SNX10: variants seen among roughly 807,000 people sequenced by gnomAD.
The protein encoded by SNX10 is sorting nexin-10.
A neutral mutation model predicts 28.5 loss-of-function variants in SNX10; 25 were observed. The observed-to-expected ratio is 0.88, with a 90% CI of 0.64 to 1.22. SNX10 has a LOEUF of 1.22. SNX10 is among the 50% of genes most tolerant of loss of function. The probability of loss-of-function intolerance (pLI) is 0.00; values close to 1 mark genes in which losing one functional copy is unlikely to be tolerated. For synonymous variants in SNX10, 62 were observed against 81.4 expected (o/e 0.76, Z 1.28); for missense variants, 223 against 242.6 (o/e 0.92, Z 0.54).
chr7:26,365,946 G>C (rs1789272381), intron 5 of SNX10, among the ~76,000 whole-genome samples: 1 of 152,190 alleles, frequency 6.6e-6, no homozygotes, highest in South Asian at 2.1e-4. Context: ...GGGTTGTTGA[G>C]AAGATTAGAC....
At chr7:26,346,318 G>A (rs946133844) in intron 1 of SNX10, 102 bp from the exon 2 acceptor site, 12 of 750,162 alleles carry the variant, frequency 1.6e-5, no homozygotes, top group East Asian at 1.5e-4. Flanking sequence ...ACTGTGGGGC[G>A]GGGGGGGCTC....
chr7:26,302,585 A>G (rs1008481870), intron 1 of SNX10, among the ~76,000 whole-genome samples: 1 of 151,852 alleles, frequency 6.6e-6, no homozygotes, highest in African/African-American at 2.4e-5. Context: ...GTAATACCTT[A>G]CTCGTCTTGT....
In SNX10 at chr7:26,364,474, A is replaced by G; in HGVS notation, c.112-61A>G. ...ATGTTGAGATCATATTGTGAATTAT[A>G]GATACAAGAAATGCATTTTTTTCCT... On this transcript the variant is annotated intron_variant, in intron 3 of 6. Transcript: ENST00000338523. The surrounding 1 kb of genome is among the most constrained non-coding windows in gnomAD (Gnocchi z 4.9). 6.5e-7 allele frequency: 1 copy of G among 1,538,610 alleles called. No homozygotes were observed. Among genetic ancestry groups the G allele is most frequent in the Non-Finnish European group, 8.8e-7 (1 of 1,140,660 alleles).
intron 2 of SNX10, among the ~76,000 whole-genome samples, chr7:26,348,589 C>T (rs543556575): frequency 1.3e-5 from 2 of 152,322 alleles, no homozygotes; most frequent in South Asian, 2.1e-4. Flanking sequence ...ATCCTCCCAG[C>T]ACCCATGTGT....
intron 2 of SNX10, among the ~76,000 whole-genome samples, chr7:26,350,674 T>C (rs1788561651): frequency 6.7e-6 from 1 of 149,656 alleles, no homozygotes; most frequent in Admixed American, 6.7e-5. Context: ...CCTCCCTTTT[T>C]CCCCTCCCAC....
In SNX10 at chr7:26,373,388, A is replaced by T. The variant is rs1461171532; in HGVS notation, c.*816A>T. On this transcript the variant is annotated 3_prime_UTR_variant, in exon 7 of 7. Coordinates refer to ENST00000338523, the MANE Select transcript of SNX10 (RefSeq NM_013322.3). This position sits in a 1 kb window ranked among gnomAD's most constrained non-coding sequence, Gnocchi z 4.2. ...ATGTGCAATTTCTTATCACTAGATA[A>T]CTTTCAGTATCAGTGGTGGTTACTT... The T allele has an allele frequency of 2.0e-5, 3 of 152,106 alleles. No homozygotes were observed. The highest frequency in any genetic ancestry group is 7.2e-5 in the African/African-American group (3 of 41,472). 9.4% of individuals were successfully genotyped at this position (152,106 alleles called of 1,614,324 possible). A position where few individuals can be genotyped will look rare whatever the true frequency, so the allele number is the denominator to read the frequency against.
rs1785930842 is a variant in SNX10, at chr7:26,291,917, C to T, written c.-193C>T. On this transcript the variant is annotated 5_prime_UTR_variant, in exon 1 of 7. Transcript: ENST00000338523. ...GGCGCTGAGCGCGGGCGCGGGGCCG[C>T]TACGTGCGCGGGGAGCGCGGGGAGC... 2 of 150,726 alleles carry T rather than the reference C, an allele frequency of 1.3e-5. No individual in the cohort carries two copies. The highest frequency in any genetic ancestry group is 3.9e-4 in the East Asian group (2 of 5,120). The allele number at this position is 150,726 out of a possible 1,614,324, so 9.3% of individuals were successfully genotyped here.
chr7:26,296,097 T>C (rs1786098767), intron 1 of SNX10, among the ~76,000 whole-genome samples: 1 of 151,270 alleles, frequency 6.6e-6, no homozygotes, highest in African/African-American at 2.4e-5. Context: ...ATTGCACCAT[T>C]GTACTGCAGC....
At chr7:26,315,214 T>C (rs1787027897) in intron 1 of SNX10, among the ~76,000 whole-genome samples, 1 of 152,200 alleles carries the variant, frequency 6.6e-6, no homozygotes, top group Non-Finnish European at 1.5e-5. Context: ...CATAGAAATA[T>C]TTGTTTACAA....
intron 1 of SNX10, among the ~76,000 whole-genome samples, chr7:26,317,353 C>T (rs1787132451): frequency 6.6e-6 from 1 of 152,136 alleles, no homozygotes; most frequent in Non-Finnish European, 1.5e-5. Context: ...ACGTTGGTCA[C>T]TTTGTGGTGA....
intron 1 of SNX10, among the ~76,000 whole-genome samples, chr7:26,340,683 G>A (rs1401585481): frequency 1.3e-5 from 2 of 152,226 alleles, no homozygotes; most frequent in African/African-American, 4.8e-5. Context: ...TGTGTCTGCT[G>A]CCTGTGTGTA....
intron 1 of SNX10, among the ~76,000 whole-genome samples, chr7:26,343,058 C>T (rs946756960): frequency 8.5e-5 from 13 of 152,180 alleles, no homozygotes; most frequent in African/African-American, 3.1e-4. Flanking sequence ...CCCGCCTCAA[C>T]CTCCCAAAGT....
chr7:26,327,198 G>T (rs1787534446), intron 1 of SNX10, among the ~76,000 whole-genome samples: 1 of 152,108 alleles, frequency 6.6e-6, no homozygotes, highest in Non-Finnish European at 1.5e-5. Flanking sequence ...TCATCCACCT[G>T]CCTTAGCTTC....
At chr7:26,296,941 GACTGTT>G (rs1188680148) in intron 1 of SNX10, among the ~76,000 whole-genome samples, 1 of 152,180 alleles carries the variant, frequency 6.6e-6, no homozygotes, top group Non-Finnish European at 1.5e-5. Flanking sequence ...TGATAAAATG[GACTGTT>G]ACTAAGTCTT....
intron 1 of SNX10, among the ~76,000 whole-genome samples, chr7:26,325,328 T>TATATATATATATATA (rs56716262): frequency 4.3e-4 from 53 of 123,042 alleles, no homozygotes; most frequent in Non-Finnish European, 7.0e-4. Flanking sequence ...TATATATATA[T>TATATATATATATATA]TTGAGATGGA....
intron 1 of SNX10, among the ~76,000 whole-genome samples, chr7:26,298,373 A>G (rs1344867318): frequency 1.3e-5 from 2 of 152,264 alleles, no homozygotes; most frequent in Admixed American, 6.5e-5. Context: ...AAAATGCTTA[A>G]TCTTATTAAT....
Position 26,364,550 on chromosome 7 carries a change from T to C in SNX10, c.127T>C (p.Phe43Leu). 3 of 1,613,816 alleles carry C rather than the reference T, an allele frequency of 1.9e-6. No individual in the cohort carries two copies. Among genetic ancestry groups the C allele is most frequent in the Non-Finnish European group, 2.5e-6 (3 of 1,179,864 alleles). Reference protein sequence around the residue: ...EICIHTNSMCFTMKTSCVRRR... With the variant: ...EICIHTNSMCLTMKTSCVRRR... ...CTCTGTACAGACTAATAGCATGTGT[T>C]TTACAATGAAAACATCCTGTGTACG... is the stretch of plus-strand genomic sequence containing the variant. The change falls in exon 4 of 7, where the codon TTT becomes CTT. Residue 43 changes from phenylalanine (F) to leucine (L), a missense_variant. Transcript: ENST00000338523. The surrounding 1 kb of genome is among the most constrained non-coding windows in gnomAD (Gnocchi z 4.9).
Position 26,353,096 on chromosome 7 carries a change from A to G in SNX10, c.24+6630A>G, listed in dbSNP as rs57792152. Among the ~76,000 whole-genome samples, 402 of 152,260 alleles carry G rather than the reference A, an allele frequency of 2.6e-3. 5 individuals carry two copies. The East Asian group carries it at 0.045, about 17-fold the overall frequency. On this transcript the variant is annotated intron_variant, in intron 2 of 6. Coordinates refer to ENST00000338523, the MANE Select transcript of SNX10 (RefSeq NM_013322.3). ...AACTTGCAACATTGTGAGCTATTATAAGTCATGTAAAAGGCAGGTCTAGCT... is the reference window on the plus strand; with the variant it reads ...AACTTGCAACATTGTGAGCTATTATGAGTCATGTAAAAGGCAGGTCTAGCT...
intron 1 of SNX10, among the ~76,000 whole-genome samples, chr7:26,342,485 A>G (rs545631783): frequency 5.3e-5 from 8 of 152,242 alleles, no homozygotes; most frequent in African/African-American, 1.9e-4. Flanking sequence ...CTCTTGTGTC[A>G]TAAAGGTAGC....
Sources: allele counts gnomAD v4.1 joint callset (sites outside exome capture counted in the v4.1 genomes callset), GRCh38; gene constraint gnomAD v4.1.1; non-coding constraint Gnocchi (gnomAD v3.1); transcripts MANE v1.5; gene names NCBI Gene and HGNC (gene_info 2026-07-23, HGNC 2026-07-21).